The following FGF14 variants were observed in gnomAD, a reference collection of about 807,000 sequenced individuals.
FGF14 encodes the protein fibroblast growth factor 14, also known as fibroblast growth factor homologous factor 4.
Under a neutral mutation model 25.5 loss-of-function variants are expected in FGF14, and 5 were observed. The ratio of observed to expected loss-of-function variants is 0.20; its 90% CI spans 0.10 to 0.41. The LOEUF (loss-of-function observed/expected upper bound fraction) is 0.41, where lower values mean the gene tolerates loss of function less well. FGF14 is among the 10% of genes least tolerant of loss of function. FGF14 has a pLI of 1.00. For missense variants in FGF14, 222 were observed against 320.1 expected (o/e 0.69, Z 2.34); for synonymous variants, 138 against 118.3 (o/e 1.17, Z -1.08).
intron 1 of FGF14, among the ~76,000 whole-genome samples, chr13:102,325,101 G>T (rs2056380536): frequency 6.6e-6 from 1 of 151,772 alleles, no homozygotes; most frequent in Non-Finnish European, 1.5e-5. Flanking sequence ...AATGCTCAAA[G>T]GAAATGGAAG....
At chr13:102,089,174 T>G (rs1298947694) in intron 1 of FGF14, among the ~76,000 whole-genome samples, 2 of 151,926 alleles carry the variant, frequency 1.3e-5, no homozygotes, top group Non-Finnish European at 2.9e-5. Flanking sequence ...TGCATTCATT[T>G]GAGTCTAGCG....
At chr13:102,220,616 T>A (rs1323512470) in intron 1 of FGF14, among the ~76,000 whole-genome samples, 1 of 152,250 alleles carries the variant, frequency 6.6e-6, no homozygotes, top group Non-Finnish European at 1.5e-5. Context: ...AAATATTTGA[T>A]CACGTTCTTG....
intron 1 of FGF14, among the ~76,000 whole-genome samples, chr13:101,932,579 G>T (rs965520506): frequency 7.0e-6 from 1 of 142,172 alleles, no homozygotes; most frequent in Non-Finnish European, 1.5e-5. Context: ...CATAAAACTC[G>T]ATAATAAAAT....
At chr13:102,069,349 C>T (rs182226960) in intron 1 of FGF14, among the ~76,000 whole-genome samples, 5 of 152,148 alleles carry the variant, frequency 3.3e-5, no homozygotes, top group African/African-American at 1.2e-4. Context: ...AAAGGCCACT[C>T]GGCTCTACCA....
intron 1 of FGF14, among the ~76,000 whole-genome samples, chr13:102,225,839 T>C (rs2050803259): frequency 6.6e-6 from 1 of 152,198 alleles, no homozygotes; most frequent in South Asian, 2.1e-4. Flanking sequence ...AACAAGATTC[T>C]GCCATGCATC....
chr13:101,813,605 G>A (rs556632465), intron 3 of FGF14, among the ~76,000 whole-genome samples: 13 of 152,180 alleles, frequency 8.5e-5, no homozygotes, highest in Non-Finnish European at 1.6e-4. Flanking sequence ...TGTTATAGTA[G>A]CACAAACAGA....
chr13:101,923,907 A>C (rs1381161210), intron 1 of FGF14, among the ~76,000 whole-genome samples: 2 of 152,098 alleles, frequency 1.3e-5, no homozygotes, highest in African/African-American at 4.8e-5. Context: ...AGCTTTACAA[A>C]TTTAGTGATT....
At chr13:101,756,995 G>T (rs2037712669) in intron 3 of FGF14, among the ~76,000 whole-genome samples, 1 of 152,256 alleles carries the variant, frequency 6.6e-6, no homozygotes, top group Middle Eastern at 3.4e-3. Context: ...AATATTTATT[G>T]AGGTGGTTTT....
intron 1 of FGF14, among the ~76,000 whole-genome samples, chr13:102,102,257 GC>G (rs1436819240): frequency 1.3e-5 from 2 of 152,166 alleles, no homozygotes; most frequent in African/African-American, 4.8e-5. Context: ...GCAATGAAAG[GC>G]AGTTTCTTGT....
At chr13:101,881,832 G>C (rs2045726902) in intron 1 of FGF14, among the ~76,000 whole-genome samples, 1 of 152,180 alleles carries the variant, frequency 6.6e-6, no homozygotes, top group African/African-American at 2.4e-5. Flanking sequence ...CTCATCTTCA[G>C]ACTCCTTGTT....
chr13:102,180,276 G>C (rs1423721192), intron 1 of FGF14, among the ~76,000 whole-genome samples: 1 of 152,048 alleles, frequency 6.6e-6, no homozygotes, highest in Non-Finnish European at 1.5e-5. Flanking sequence ...CTCAAATATT[G>C]AAATTTGTAA....
intron 1 of FGF14, among the ~76,000 whole-genome samples, chr13:102,126,798 T>C (rs2045967781): frequency 6.6e-6 from 1 of 152,176 alleles, no homozygotes; most frequent in Admixed American, 6.5e-5. Flanking sequence ...TGTGCAGTAA[T>C]TACCATCATT....
At chr13:101,867,816 A>G (rs1024343830) in intron 3 of FGF14, among the ~76,000 whole-genome samples, 25 of 151,610 alleles carry the variant, frequency 1.6e-4, no homozygotes, top group Non-Finnish European at 3.4e-4. Flanking sequence ...TCCCTGTGAC[A>G]GGATTTCCCA....
intron 1 of FGF14, among the ~76,000 whole-genome samples, chr13:102,204,704 G>A (rs1342019172): frequency 4.0e-5 from 6 of 151,842 alleles, no homozygotes; most frequent in African/African-American, 1.2e-4. Context: ...GCACCACCAC[G>A]CCTGGCTAAT....
intron 3 of FGF14, among the ~76,000 whole-genome samples, chr13:101,734,323 T>C (rs1203702600): frequency 6.6e-6 from 1 of 152,198 alleles, no homozygotes; most frequent in African/African-American, 2.4e-5. Context: ...TTAACATTAG[T>C]ACAAAATTTA....
intron 1 of FGF14, among the ~76,000 whole-genome samples, chr13:102,019,727 C>T (rs1298708625): frequency 6.6e-6 from 1 of 152,162 alleles, no homozygotes; most frequent in East Asian, 1.9e-4. Flanking sequence ...AAATTCTCTT[C>T]ATGTTGTACT....
upstream of FGF14, among the ~76,000 whole-genome samples, chr13:101,921,297 T>C (rs938104164): frequency 6.6e-6 from 1 of 152,160 alleles, no homozygotes; most frequent in Non-Finnish European, 1.5e-5. Flanking sequence ...ACACCAGCAA[T>C]TGTTGAATAA....
At chr13:102,003,899 A>G (rs982876186) in intron 1 of FGF14, among the ~76,000 whole-genome samples, 1 of 152,106 alleles carries the variant, frequency 6.6e-6, no homozygotes, top group Non-Finnish European at 1.5e-5. Flanking sequence ...GACACCACTC[A>G]GTTAGTGATC....
intron 1 of FGF14, among the ~76,000 whole-genome samples, chr13:101,954,343 G>A (rs573086183): frequency 8.5e-4 from 129 of 152,200 alleles, no homozygotes; most frequent in African/African-American, 2.9e-3. Context: ...TGAATTTGAT[G>A]CAATAACTAG....
Sources: gnomAD v4.1 joint callset for allele counts (sites outside exome capture counted in the v4.1 genomes callset) on GRCh38, gnomAD v4.1.1 for gene constraint, MANE v1.5 for transcripts, NCBI Gene and HGNC (gene_info 2026-07-23, HGNC 2026-07-21) for gene names.